The following FHIT variants were observed in gnomAD, a reference collection of about 807,000 sequenced individuals.
FHIT encodes the protein fragile histidine triad diadenosine triphosphatase.
FHIT carries 19 observed loss-of-function variants against 17.9 expected under a neutral mutation model. The ratio of observed to expected loss-of-function variants is 1.06; its 90% CI spans 0.74 to 1.56. FHIT has a LOEUF of 1.56. Ranked by LOEUF, FHIT falls within the 40% of genes most tolerant of loss-of-function variation. FHIT has a pLI of 0.00. For synonymous variants in FHIT, 81 were observed against 69.7 expected, an observed-to-expected ratio of 1.16 and a Z score of -0.81; for missense variants, 248 against 189.2, an observed-to-expected ratio of 1.31 and a Z score of -1.82.
At chr3:60,955,959 A>G (rs1709134276) in intron 3 of FHIT, among the ~76,000 whole-genome samples, 2 of 152,062 alleles carry the variant, frequency 1.3e-5, no homozygotes, top group South Asian at 4.1e-4. Context: ...TTCTGAGTCA[A>G]TTTTTCACAG....
At chr3:61,199,655 G>C (rs1308466633) in intron 2 of FHIT, among the ~76,000 whole-genome samples, 1 of 152,076 alleles carries the variant, frequency 6.6e-6, no homozygotes, top group Admixed American at 6.5e-5. Context: ...AAATAGATTT[G>C]TCAAGAAGTT....
chr3:60,085,657 A>G (rs1348276738), intron 5 of FHIT, among the ~76,000 whole-genome samples: 1 of 152,152 alleles, frequency 6.6e-6, no homozygotes, highest in Non-Finnish European at 1.5e-5. Context: ...CAGAAACACA[A>G]TTATAGGGGA....
intron 5 of FHIT, among the ~76,000 whole-genome samples, chr3:60,534,629 A>T (rs189165422): frequency 1.6e-4 from 24 of 152,228 alleles, no homozygotes; most frequent in African/African-American, 4.6e-4. Context: ...TAATGATTTT[A>T]AAAAAGCTCT....
At chr3:60,539,095 GA>G (rs1413221604) in intron 4 of FHIT, among the ~76,000 whole-genome samples, 1 of 151,932 alleles carries the variant, frequency 6.6e-6, no homozygotes, top group Non-Finnish European at 1.5e-5. Flanking sequence ...AAATTTACAA[GA>G]AAAAAACAAA....
At chr3:60,855,716 C>G (rs1703353884) in intron 3 of FHIT, among the ~76,000 whole-genome samples, 1 of 152,122 alleles carries the variant, frequency 6.6e-6, no homozygotes, top group Non-Finnish European at 1.5e-5. Flanking sequence ...AGAGTGACTA[C>G]AAAACTACAT....
Position 59,922,433 on chromosome 3 carries a change from G to GA in FHIT, c.280-20dup, listed in dbSNP as rs768305432. The GA allele has an allele frequency of 4.0e-5, 63 of 1,593,576 alleles. No individual in the cohort carries two copies. Among genetic ancestry groups the GA allele is most frequent in the East Asian group, 1.6e-4 (7 of 44,628 alleles). On this transcript the variant is annotated intron_variant, in intron 7 of 9. Coordinates refer to ENST00000492590, the MANE Select transcript of FHIT (RefSeq NM_002012.4). ...GAACGTGCTGAAAATGTACAAGAAA[G>GA]AAAAAAAATGTGATTATCTCCCCAT...
intron 8 of FHIT, among the ~76,000 whole-genome samples, chr3:59,900,315 G>A (rs549680291): frequency 6.6e-5 from 10 of 152,304 alleles, no homozygotes; most frequent in East Asian, 3.9e-4. Flanking sequence ...AGGCCTGTCC[G>A]CAGAACAGGT....
chr3:60,359,558 C>T (rs1452140285), intron 5 of FHIT, among the ~76,000 whole-genome samples: 2 of 152,100 alleles, frequency 1.3e-5, no homozygotes, highest in Admixed American at 6.5e-5. Flanking sequence ...GGATTACAGG[C>T]GTGAGCCACT....
chr3:60,190,924 C>G (rs372146607), intron 5 of FHIT, among the ~76,000 whole-genome samples: 1 of 151,844 alleles, frequency 6.6e-6, no homozygotes, highest in Admixed American at 6.6e-5. Context: ...GCCTGAGCAA[C>G]AGAGTGAGAC....
chr3:60,377,098 A>C (rs1700594007), intron 5 of FHIT, among the ~76,000 whole-genome samples: 1 of 152,196 alleles, frequency 6.6e-6, no homozygotes, highest in Non-Finnish European at 1.5e-5. Context: ...ACTGAAATAT[A>C]AGCCCCTAAA....
intron 7 of FHIT, among the ~76,000 whole-genome samples, chr3:59,944,361 T>C (rs1706688741): frequency 6.6e-6 from 1 of 152,188 alleles, no homozygotes. Context: ...AAATCACCAT[T>C]GTAATCCTTT....
At chr3:60,140,454 G>C (rs1389553726) in intron 5 of FHIT, among the ~76,000 whole-genome samples, 2 of 152,186 alleles carry the variant, frequency 1.3e-5, no homozygotes, top group African/African-American at 4.8e-5. Flanking sequence ...CTCTTATGCT[G>C]AGATTGCTAC....
chr3:60,381,918 G>A (rs969121450), intron 5 of FHIT, among the ~76,000 whole-genome samples: 15 of 152,084 alleles, frequency 9.9e-5, no homozygotes, highest in Admixed American at 7.9e-4. Context: ...GCCTAGTGCT[G>A]TGCTGTCCAA....
intron 4 of FHIT, among the ~76,000 whole-genome samples, chr3:60,819,446 AC>A (rs1701852910): frequency 6.6e-6 from 1 of 152,216 alleles, no homozygotes; most frequent in Non-Finnish European, 1.5e-5. Context: ...TCTACATGGT[AC>A]TTTGCCACGT....
At chr3:60,564,639 T>G (rs1317487266) in intron 4 of FHIT, among the ~76,000 whole-genome samples, 1 of 151,960 alleles carries the variant, frequency 6.6e-6, no homozygotes, top group Non-Finnish European at 1.5e-5. Flanking sequence ...AAGACATCAG[T>G]GGTGAAAAAA....
chr3:60,977,228 G>A (rs1710296672), intron 3 of FHIT, among the ~76,000 whole-genome samples: 1 of 152,190 alleles, frequency 6.6e-6, no homozygotes, highest in African/African-American at 2.4e-5. Flanking sequence ...GCTGGAAGCG[G>A]AAGCAAATAG....
At chr3:60,007,803 C>T (rs535068854) in intron 7 of FHIT, among the ~76,000 whole-genome samples, 106 of 152,218 alleles carry the variant, frequency 7.0e-4, no homozygotes, top group African/African-American at 2.5e-3. Flanking sequence ...TCAGATTCTT[C>T]TTGGCATGTG....
intron 8 of FHIT, among the ~76,000 whole-genome samples, chr3:59,883,656 T>G (rs1226329395): frequency 6.6e-6 from 1 of 152,228 alleles, no homozygotes; most frequent in African/African-American, 2.4e-5. Context: ...CTATTGTATC[T>G]TGTGGTGGAA....
At chr3:59,755,017 T>G in intron 8 of FHIT, among the ~76,000 whole-genome samples, 1 of 152,196 alleles carries the variant, frequency 6.6e-6, no homozygotes, top group Admixed American at 6.5e-5. Flanking sequence ...AAAACAAAAC[T>G]TCTCAGCCAA....
Sources: gnomAD v4.1 joint callset for allele counts (sites outside exome capture counted in the v4.1 genomes callset) on GRCh38, gnomAD v4.1.1 for gene constraint, MANE v1.5 for transcripts, NCBI Gene and HGNC (gene_info 2026-07-23, HGNC 2026-07-21) for gene names.